TRHDE: variants seen among roughly 807,000 people sequenced by gnomAD.
TRHDE encodes the protein thyrotropin-releasing hormone-degrading ectoenzyme.
A neutral mutation model predicts 125.7 loss-of-function variants in TRHDE; 72 were observed. The observed-to-expected ratio is 0.57, with a 90% CI of 0.47 to 0.70. TRHDE has a LOEUF of 0.70. Ranked by LOEUF, TRHDE falls within the 30% of genes least tolerant of loss-of-function variation. The pLI is 0.00. For missense variants in TRHDE, 1,110 were observed against 1,327.1 expected, an observed-to-expected ratio of 0.84 and a Z score of 2.54; for synonymous variants, 509 against 509.1, an observed-to-expected ratio of 1.00 and a Z score of 0.00.
At chr12:72,595,253 TAAAGTA>T (rs942717545) in intron 12 of TRHDE, among the ~76,000 whole-genome samples, 18 of 133,418 alleles carry the variant, frequency 1.3e-4, no homozygotes, top group African/African-American at 6.4e-4. Flanking sequence ...CCCTAAAACT[TAAAGTA>T]TAATAATAAT....
intron 6 of TRHDE, among the ~76,000 whole-genome samples, chr12:72,512,988 A>G (rs1287621883): frequency 1.3e-5 from 2 of 152,054 alleles, no homozygotes; most frequent in African/African-American, 4.8e-5. Flanking sequence ...TTGGCATTTG[A>G]GGAATGACTT....
At chr12:72,246,673 C>A (rs1379936685) in intron 2 of TRHDE, among the ~76,000 whole-genome samples, 2 of 152,214 alleles carry the variant, frequency 1.3e-5, no homozygotes, top group Non-Finnish European at 1.5e-5. Flanking sequence ...AAGGAATAAT[C>A]ACCTCACCTT....
At chr12:72,268,853 T>C (rs1343596768), upstream of TRHDE, among the ~76,000 whole-genome samples, 1 of 152,082 alleles carries the variant, frequency 6.6e-6, no homozygotes, top group African/African-American at 2.4e-5. Context: ...CTGAATCAAA[T>C]ATGGCCACAT....
intron 2 of TRHDE, among the ~76,000 whole-genome samples, chr12:72,175,112 AT>A (rs1393688022): frequency 6.6e-6 from 1 of 152,198 alleles, no homozygotes; most frequent in African/African-American, 2.4e-5. Context: ...TTCATGTTGA[AT>A]AGTTGAAACT....
chr12:72,635,438 C>T (rs1040555438), intron 15 of TRHDE, among the ~76,000 whole-genome samples: 1 of 151,952 alleles, frequency 6.6e-6, no homozygotes, highest in Non-Finnish European at 1.5e-5. Context: ...AAAATTTTCT[C>T]CCATTCTGTA....
chr12:72,218,316 C>T (rs1877935251), intron 2 of TRHDE, among the ~76,000 whole-genome samples: 1 of 152,120 alleles, frequency 6.6e-6, no homozygotes, highest in Non-Finnish European at 1.5e-5. Flanking sequence ...TACCAGCTCT[C>T]AGCTAAAGGA....
chr12:72,546,017 A>G (rs1450191599), intron 7 of TRHDE, among the ~76,000 whole-genome samples: 1 of 151,530 alleles, frequency 6.6e-6, no homozygotes, highest in Non-Finnish European at 1.5e-5. Context: ...GTTACAGGGA[A>G]CTCAAACAAG....
chr12:72,275,673 T>C (rs2139411931), intron 1 of TRHDE, among the ~76,000 whole-genome samples: 1 of 152,348 alleles, frequency 6.6e-6, no homozygotes. Context: ...TGCCAAAATA[T>C]GTTTGGCAGA....
At chr12:72,438,193 A>C (rs1354654472) in intron 3 of TRHDE, among the ~76,000 whole-genome samples, 1 of 151,704 alleles carries the variant, frequency 6.6e-6, no homozygotes, top group Non-Finnish European at 1.5e-5. Flanking sequence ...TGGACACTTA[A>C]TTTGATTCCA....
chr12:72,476,292 A>G (rs1876889446), intron 5 of TRHDE, among the ~76,000 whole-genome samples: 1 of 152,182 alleles, frequency 6.6e-6, no homozygotes, highest in South Asian at 2.1e-4. Flanking sequence ...CTCAATATAA[A>G]TCCAGAAAAC....
intron 2 of TRHDE, among the ~76,000 whole-genome samples, chr12:72,182,053 G>A (rs1273885348): frequency 1.3e-5 from 2 of 152,124 alleles, no homozygotes; most frequent in African/African-American, 2.4e-5. Context: ...GTCACTGAAT[G>A]CATTATGTGG....
chr12:72,483,295 G>A (rs1180578899), intron 5 of TRHDE, among the ~76,000 whole-genome samples: 3 of 151,888 alleles, frequency 2.0e-5, no homozygotes, highest in Non-Finnish European at 4.4e-5. Context: ...CCAGAATGAA[G>A]TTCAATTCCT....
chr12:72,620,926 T>C (rs1873025881), intron 13 of TRHDE, among the ~76,000 whole-genome samples, 182 bp from the exon 14 acceptor site: 1 of 150,690 alleles, frequency 6.6e-6, no homozygotes, highest in Non-Finnish European at 1.5e-5. Context: ...TATCCCTCTT[T>C]TCTATATATG....
Position 72,637,103 on chromosome 12 carries a change from G to A in TRHDE, c.2676-15219G>A, listed in dbSNP as rs1314477262. The stretch of plus-strand genomic sequence containing the variant: ...GTACCAGTTCCTCCTTGTACCTCTG[G>A]TAGAATTCGGCTGTGAATCCATCTG... On this transcript the variant is annotated intron_variant, in intron 15 of 18. Coordinates refer to ENST00000261180, the MANE Select transcript of TRHDE (RefSeq NM_013381.3). Among the ~76,000 whole-genome samples the A allele has an allele frequency of 2.6e-5, 4 of 152,240 alleles. 1 individual carries two copies. The highest frequency in any genetic ancestry group is 7.2e-5 in the African/African-American group (3 of 41,546).
intron 6 of TRHDE, among the ~76,000 whole-genome samples, chr12:72,528,260 GA>G (rs1211111888): frequency 6.6e-6 from 1 of 152,136 alleles, no homozygotes; most frequent in Admixed American, 6.6e-5. Context: ...TAGTACCTTT[GA>G]AATGCCTTCT....
chr12:72,239,986 G>A (rs1005846236), intron 2 of TRHDE, among the ~76,000 whole-genome samples: 8 of 152,146 alleles, frequency 5.3e-5, no homozygotes, highest in Admixed American at 3.3e-4. Flanking sequence ...ATTAGGCATA[G>A]AATTTTTGTA....
chr12:72,278,412 C>T (rs1242031635), intron 1 of TRHDE, among the ~76,000 whole-genome samples: 1 of 152,116 alleles, frequency 6.6e-6, no homozygotes, highest in African/African-American at 2.4e-5. Flanking sequence ...GCAGATATCT[C>T]CTCAACATGA....
chr12:72,602,534 A>G (rs1011794792), intron 12 of TRHDE, among the ~76,000 whole-genome samples: 3 of 152,164 alleles, frequency 2.0e-5, no homozygotes, highest in Non-Finnish European at 2.9e-5. Context: ...CAGGCCTGAA[A>G]GAGAAGACAT....
At chr12:72,286,086 G>A (rs1879875146) in intron 1 of TRHDE, among the ~76,000 whole-genome samples, 2 of 152,194 alleles carry the variant, frequency 1.3e-5, no homozygotes, top group Non-Finnish European at 2.9e-5. Flanking sequence ...TTTCAGCAAT[G>A]ACCAACTACA....
Sources: allele counts gnomAD v4.1 joint callset (sites outside exome capture counted in the v4.1 genomes callset), GRCh38; gene constraint gnomAD v4.1.1; transcripts MANE v1.5; gene names NCBI Gene and HGNC (gene_info 2026-07-23, HGNC 2026-07-21).